The following FGF14 variants were observed in gnomAD, a reference collection of about 807,000 sequenced individuals.
The protein encoded by FGF14 is fibroblast growth factor 14.
FGF14 carries 5 observed loss-of-function variants against 25.5 expected under a neutral mutation model. That is an observed-to-expected ratio of 0.20 (90% confidence interval 0.10 to 0.41). FGF14 has a LOEUF of 0.41. Ranked by LOEUF, FGF14 falls within the 10% of genes least tolerant of loss-of-function variation. FGF14 has a pLI of 1.00. For missense variants in FGF14, 222 were observed against 320.1 expected, an observed-to-expected ratio of 0.69 and a Z score of 2.34; for synonymous variants, 138 against 118.3, an observed-to-expected ratio of 1.17 and a Z score of -1.08.
chr13:101,903,861 T>A (rs1418236314), intron 1 of FGF14, among the ~76,000 whole-genome samples: 1 of 151,860 alleles, frequency 6.6e-6, no homozygotes, highest in East Asian at 2.0e-4. Flanking sequence ...GTTTGTTTGC[T>A]TGTTTGTATG....
chr13:101,778,303 C>A (rs7999540), intron 3 of FGF14, among the ~76,000 whole-genome samples: 58,946 of 152,064 alleles, frequency 0.39, 13,735 homozygotes, highest in Non-Finnish European at 0.52. Context: ...GCTAAGCCAC[C>A]CTATTGTCCA....
chr13:101,841,082 G>T (rs1160164515), intron 3 of FGF14, among the ~76,000 whole-genome samples: 1 of 151,786 alleles, frequency 6.6e-6, no homozygotes, highest in Non-Finnish European at 1.5e-5. Context: ...GTCCAAGTTT[G>T]GTGTCCCCTT....
chr13:101,867,658 G>C (rs1206888053), intron 3 of FGF14, among the ~76,000 whole-genome samples: 2 of 152,070 alleles, frequency 1.3e-5, no homozygotes, highest in African/African-American at 4.8e-5. Flanking sequence ...CTGGCAACAT[G>C]CTGCATATTC....
At chr13:101,777,352 G>A (rs1309927222) in intron 3 of FGF14, among the ~76,000 whole-genome samples, 2 of 152,278 alleles carry the variant, frequency 1.3e-5, no homozygotes, top group Non-Finnish European at 2.9e-5. Flanking sequence ...AACGGAGGAA[G>A]AGCAATTAAG....
chr13:101,767,739 A>G lies in FGF14; in HGVS notation c.409-40929T>C, dbSNP rs539316449. On this transcript the variant is annotated intron_variant, in intron 3 of 4. Transcript: ENST00000376143. ...CAGAGAAGCGGGTAAGAATTTAAAGACAATAGTAGAATCATTATCTCTCTG... is the reference window on the plus strand; with the variant it reads ...CAGAGAAGCGGGTAAGAATTTAAAGGCAATAGTAGAATCATTATCTCTCTG... Among the ~76,000 whole-genome samples the G allele has an allele frequency of 5.9e-5, 9 of 152,310 alleles. No homozygotes were observed. The South Asian group carries it at 1.7e-3, about 28-fold the overall frequency.
rs569280420 is a variant in FGF14, at chr13:102,017,080, A to G, written c.209-141784T>C. 8.7e-5 allele frequency: 14 copies of G among 160,422 alleles called. No individual in the cohort carries two copies. The South Asian group carries it at 9.0e-4, about 10-fold the overall frequency. 9.9% of individuals were successfully genotyped at this position (160,422 alleles called of 1,614,324 possible). A position where few individuals can be genotyped will look rare whatever the true frequency, so the allele number is the denominator to read the frequency against. On this transcript the variant is annotated intron_variant, in intron 1 of 4. Coordinates refer to the FGF14 transcript ENST00000376131. Reference sequence around the variant, plus strand: ...ACCTTCAGACCAGCCTGTTTTTTTTAACATACACTTTAACTTTATTAACAT... The same window carrying G: ...ACCTTCAGACCAGCCTGTTTTTTTTGACATACACTTTAACTTTATTAACAT...
At chr13:101,909,328 T>C (rs1473212200) in intron 1 of FGF14, among the ~76,000 whole-genome samples, 3 of 152,140 alleles carry the variant, frequency 2.0e-5, no homozygotes, top group African/African-American at 7.2e-5. Flanking sequence ...GAGAAAATTT[T>C]TGCAATCTAC....
At chr13:102,041,526 T>C (rs895662200) in intron 1 of FGF14, among the ~76,000 whole-genome samples, 30 of 114,282 alleles carry the variant, frequency 2.6e-4, no homozygotes, top group Middle Eastern at 5.1e-3. Flanking sequence ...AGTGAATTCC[T>C]TAAAAAAAAA....
chr13:101,804,287 T>C (rs757186131), intron 3 of FGF14, among the ~76,000 whole-genome samples: 5 of 151,984 alleles, frequency 3.3e-5, no homozygotes, highest in Admixed American at 1.3e-4. Context: ...CCAGAGTAGA[T>C]AGAAAGTGAT....
intron 1 of FGF14, among the ~76,000 whole-genome samples, chr13:102,386,133 ATTTTTTTT>A (rs771550582): frequency 1.4e-5 from 2 of 139,352 alleles, no homozygotes; most frequent in Admixed American, 7.3e-5. Flanking sequence ...ATATACAGTA[ATTTTTTTT>A]TTTTTTTTTT....
chr13:102,079,344 A>C (rs2043508873), intron 1 of FGF14, among the ~76,000 whole-genome samples: 1 of 150,906 alleles, frequency 6.6e-6, no homozygotes, highest in Admixed American at 6.6e-5. Context: ...TCATGGAAAA[A>C]GAGAGTTTGC....
chr13:101,819,473 G>A (rs895967205), intron 3 of FGF14, among the ~76,000 whole-genome samples: 9 of 152,318 alleles, frequency 5.9e-5, no homozygotes, highest in African/African-American at 1.4e-4. Flanking sequence ...GGGCACTTTA[G>A]TAAGGGGATA....
At chr13:101,840,057 C>G (rs1346986023) in intron 3 of FGF14, among the ~76,000 whole-genome samples, 1 of 151,908 alleles carries the variant, frequency 6.6e-6, no homozygotes, top group Non-Finnish European at 1.5e-5. Context: ...GAAAACCAAG[C>G]CTCAATCTCT....
chr13:102,005,491 T>C (rs901236683), intron 1 of FGF14, among the ~76,000 whole-genome samples: 2 of 152,306 alleles, frequency 1.3e-5, no homozygotes, highest in Admixed American at 6.5e-5. Flanking sequence ...CTCTCCAATA[T>C]GCTATGTATG....
intron 1 of FGF14, among the ~76,000 whole-genome samples, chr13:102,314,716 T>G (rs2055934666): frequency 6.6e-6 from 1 of 152,134 alleles, no homozygotes; most frequent in Non-Finnish European, 1.5e-5. Context: ...GAGTTACTGT[T>G]TTTATTCTGA....
chr13:102,018,383 C>T (rs530336705), intron 1 of FGF14, among the ~76,000 whole-genome samples: 37 of 152,202 alleles, frequency 2.4e-4, no homozygotes, highest in Non-Finnish European at 4.6e-4. Context: ...AGGGAGGTAG[C>T]TTTACCTTTC....
At chr13:101,809,999 C>T (rs1028837464) in intron 3 of FGF14, among the ~76,000 whole-genome samples, 12 of 152,304 alleles carry the variant, frequency 7.9e-5, no homozygotes, top group African/African-American at 2.9e-4. Flanking sequence ...GAATCCACAG[C>T]TTAATCATCT....
chr13:101,917,507 C>G (rs922051951), upstream of FGF14, among the ~76,000 whole-genome samples: 1 of 152,104 alleles, frequency 6.6e-6, no homozygotes, highest in East Asian at 1.9e-4. Flanking sequence ...GAGCCTTCCG[C>G]GGCTTGGTTG....
At chr13:101,864,973 T>C (rs1035695411) in intron 3 of FGF14, among the ~76,000 whole-genome samples, 8 of 152,114 alleles carry the variant, frequency 5.3e-5, no homozygotes, top group Admixed American at 2.0e-4. Context: ...GGGGGCAGAC[T>C]AGGAGAGATT....
Sources: allele counts gnomAD v4.1 joint callset (sites outside exome capture counted in the v4.1 genomes callset), GRCh38; gene constraint gnomAD v4.1.1; transcripts MANE v1.5; gene names NCBI Gene and HGNC (gene_info 2026-07-23, HGNC 2026-07-21).